NBEAL1: variants seen among roughly 807,000 people sequenced by gnomAD.
NBEAL1 encodes neurobeachin-like protein 1.
A neutral mutation model predicts 351.3 loss-of-function variants in NBEAL1; 273 were observed. The observed-to-expected ratio is 0.78, with a 90% CI of 0.70 to 0.86. The LOEUF is 0.86. Among genes scored for constraint, NBEAL1 ranks in the 40% least tolerant of loss-of-function variants. The pLI, the probability that NBEAL1 is intolerant of heterozygous loss-of-function variation, is 0.00. For missense variants in NBEAL1, 2,961 were observed against 3,201.3 expected (o/e 0.92, Z 1.81); for synonymous variants, 1,050 against 1,086.4 (o/e 0.97, Z 0.66).
At chr2:203,099,276 CAAAA>C (rs767300078) in intron 11 of NBEAL1, among the ~76,000 whole-genome samples, 3 of 88,574 alleles carry the variant, frequency 3.4e-5, no homozygotes. Context: ...AACTCCATCT[CAAAA>C]AAAAAAAAAA....
intron 4 of NBEAL1, among the ~76,000 whole-genome samples, chr2:203,054,877 G>A (rs2106087639): frequency 6.6e-6 from 1 of 152,216 alleles, no homozygotes; most frequent in East Asian, 1.9e-4. Flanking sequence ...CTTGAGTGTT[G>A]TCTTTTGGGA....
chr2:203,189,681 CT>C (rs910242641), intron 45 of NBEAL1, among the ~76,000 whole-genome samples: 22 of 152,080 alleles, frequency 1.4e-4, no homozygotes, highest in African/African-American at 2.4e-4. Context: ...CCCACCACCC[CT>C]GGCCCAATAG....
At chr2:203,114,745 G>GTT (rs11411984) in intron 17 of NBEAL1, among the ~76,000 whole-genome samples, 2 of 150,430 alleles carry the variant, frequency 1.3e-5, no homozygotes, top group South Asian at 2.1e-4. Flanking sequence ...TCTTTTCTTT[G>GTT]TTTTTTTTTG....
chr2:203,100,095 T>G (rs750457598), intron 12 of NBEAL1, among the ~76,000 whole-genome samples: 6 of 152,240 alleles, frequency 3.9e-5, no homozygotes, highest in Non-Finnish European at 7.3e-5. Context: ...CCTTTGTTTT[T>G]ATGGCTGTGT....
chr2:203,061,586 C>G (rs2061499841), intron 6 of NBEAL1: 1 of 153,460 alleles, frequency 6.5e-6, no homozygotes. Context: ...ACTGTGAGCC[C>G]TTGTATGCTT....
intron 35 of NBEAL1, among the ~76,000 whole-genome samples, chr2:203,152,352 G>GAA (rs200515736): frequency 8.8e-5 from 11 of 124,800 alleles, no homozygotes; most frequent in Admixed American, 1.7e-4. Flanking sequence ...CCTTTTTCTA[G>GAA]AAAAAAAAAA....
chr2:203,207,221 G>T (rs1162789145), intron 51 of NBEAL1, among the ~76,000 whole-genome samples: 2 of 151,506 alleles, frequency 1.3e-5, no homozygotes, highest in Non-Finnish European at 2.9e-5. Context: ...CCCTCCGCCT[G>T]GCAGCCACCC....
At chr2:203,180,645 G>T (rs2064683968) in intron 43 of NBEAL1, 133 bp downstream of exon 43, 2 of 834,790 alleles carry the variant, frequency 2.4e-6, no homozygotes, top group Non-Finnish European at 1.7e-6. Flanking sequence ...CTTAGTGACA[G>T]GGCTGAACTA....
At chr2:203,182,504 GA>G (rs1388272686) in intron 43 of NBEAL1, 2 of 152,218 alleles carry the variant, frequency 1.3e-5, no homozygotes, top group Non-Finnish European at 2.9e-5. Context: ...ACACTTGAAT[GA>G]AATAAAGGTT....
In NBEAL1 at chr2:203,107,868, C is replaced by T. The variant is rs1413857975; in HGVS notation, c.1629C>T (p.Ile543=). ...CTTGTGCTGAGAACTTGATTGCAAT[C>T]CATGGTTCCTTGGGGAGTCAGTCAG... ...HQTCAENLIA[I]HGSLGSQSVS... Residue 543 remains isoleucine (I), a synonymous_variant, in exon 14 of 56, where the codon ATC becomes ATT. Coordinates refer to ENST00000683969, the MANE Select transcript of NBEAL1 (RefSeq NM_001378026.1). 1 of 1,554,224 alleles carries T rather than the reference C, an allele frequency of 6.4e-7. No homozygotes were observed. Among genetic ancestry groups the T allele is most frequent in the Non-Finnish European group, 8.7e-7 (1 of 1,147,754 alleles).
At chr2:203,037,972 C>T (rs1273555173) in intron 2 of NBEAL1, among the ~76,000 whole-genome samples, 1 of 148,676 alleles carries the variant, frequency 6.7e-6, no homozygotes, top group Non-Finnish European at 1.5e-5. Context: ...AATAAATACA[C>T]AAATAAATAC....
At chr2:203,127,054 T>C (rs1417788276) in intron 23 of NBEAL1, 128 bp downstream of exon 23, 8 of 631,412 alleles carry the variant, frequency 1.3e-5, no homozygotes, top group Non-Finnish European at 5.3e-6. Context: ...AGAGGTAGGA[T>C]ACAGTGGAGG....
rs777337947 is a variant in NBEAL1, at chr2:203,107,915, G to A, written c.1676G>A (p.Arg559Gln). The change falls in exon 14 of 56, where the codon CGA becomes CAA. Residue 559 changes from arginine (R) to glutamine (Q), a missense_variant. By Grantham distance (43) the Arg-to-Gln change is conservative (BLOSUM62 1). Coordinates refer to ENST00000683969, the MANE Select transcript of NBEAL1 (RefSeq NM_001378026.1). ...SQSVSSEEIR[R>Q]LLRLLRVDES... The stretch of plus-strand genomic sequence containing the variant: ...TCAGTGAGCTCAGAAGAAATCCGTC[G>A]ACTACTGAGATTGCTGAGAGTGGAT... The A allele has an allele frequency of 1.4e-5, 21 of 1,553,512 alleles. No homozygotes were observed. Among genetic ancestry groups the A allele is most frequent in the South Asian group, 4.7e-5 (4 of 84,214 alleles).
chr2:203,040,859 G>T (rs553395823), intron 2 of NBEAL1: 3 of 438,270 alleles, frequency 6.8e-6, no homozygotes, highest in South Asian at 3.7e-5. Context: ...CATGGCTATC[G>T]GGGTGAATGC....
At chr2:203,109,669 G>A (rs1378355372) in intron 14 of NBEAL1, among the ~76,000 whole-genome samples, 5 of 151,934 alleles carry the variant, frequency 3.3e-5, no homozygotes, top group Non-Finnish European at 5.9e-5. Flanking sequence ...ACAGGCGCCC[G>A]CCACCACGCC....
intron 47 of NBEAL1, 49 bp downstream of exon 47, chr2:203,193,960 A>G: frequency 9.3e-7 from 1 of 1,071,582 alleles, no homozygotes; most frequent in Non-Finnish European, 1.4e-6. Flanking sequence ...TAAATTCTGT[A>G]CATTTTAAAG....
chr2:203,076,480 AAC>A (rs756217170), intron 7 of NBEAL1, among the ~76,000 whole-genome samples: 1,148 of 5,488 alleles, frequency 0.21, 11 homozygotes, highest in Non-Finnish European at 0.45. Flanking sequence ...CTGTCTCAAA[AAC>A]AAACAAACAA....
intron 36 of NBEAL1, among the ~76,000 whole-genome samples, chr2:203,158,816 T>C (rs1056156408): frequency 1.1e-3 from 11 of 10,260 alleles, no homozygotes; most frequent in African/African-American, 2.6e-3. Flanking sequence ...TTCTGTAGGG[T>C]TTTTTTTTTT....
intron 25 of NBEAL1, among the ~76,000 whole-genome samples, chr2:203,131,163 G>A (rs1432083686): frequency 6.6e-6 from 1 of 152,124 alleles, no homozygotes; most frequent in African/African-American, 2.4e-5. Context: ...AGAGTTTTAA[G>A]CATACCAATT....
Sources: allele counts gnomAD v4.1 joint callset (sites outside exome capture counted in the v4.1 genomes callset), GRCh38; gene constraint gnomAD v4.1.1; transcripts MANE v1.5; gene names NCBI Gene and HGNC (gene_info 2026-07-23, HGNC 2026-07-21).